Variants in BRINP2 observed in about 807,000 individuals in gnomAD.
BRINP2 encodes BMP/retinoic acid-inducible neural-specific protein 2.
Under a neutral mutation model 69.2 loss-of-function variants are expected in BRINP2, and 21 were observed. That is an observed-to-expected ratio of 0.30 (90% CI 0.22 to 0.44). BRINP2 has a LOEUF of 0.44. Ranked by LOEUF, BRINP2 falls within the 20% of genes least tolerant of loss-of-function variation. The pLI is 1.00. For missense variants in BRINP2, 877 were observed against 986.0 expected (o/e 0.89, Z 1.48); for synonymous variants, 380 against 394.1 (o/e 0.96, Z 0.42).
intron 5 of BRINP2, among the ~76,000 whole-genome samples, chr1:177,274,461 T>C (rs960554408): frequency 2.6e-5 from 4 of 152,192 alleles, no homozygotes; most frequent in African/African-American, 9.7e-5. Flanking sequence ...AGCAATGCTT[T>C]AGGAATTAAG....
intron 4 of BRINP2, among the ~76,000 whole-genome samples, chr1:177,266,230 T>C (rs1223005177): frequency 6.6e-6 from 1 of 152,168 alleles, no homozygotes; most frequent in Non-Finnish European, 1.5e-5. Flanking sequence ...CTGTCTCTGC[T>C]GTCTTTCTAG....
At chr1:177,205,483 C>G (rs572191580) in intron 1 of BRINP2, among the ~76,000 whole-genome samples, 1 of 152,102 alleles carries the variant, frequency 6.6e-6, no homozygotes, top group Non-Finnish European at 1.5e-5. Context: ...AGGAATAAGA[C>G]GCAAGTAAAG....
At chr1:177,260,964 T>C (rs2102350235) in intron 4 of BRINP2, among the ~76,000 whole-genome samples, 1 of 152,020 alleles carries the variant, frequency 6.6e-6, no homozygotes, top group African/African-American at 2.4e-5. Context: ...TATGAAGAAA[T>C]GAAGCCAAGT....
At position 177,276,124 on chromosome 1, in the gene BRINP2, C is replaced by T. The variant is rs958825199; in HGVS notation, c.776-74C>T. On this transcript the variant is annotated intron_variant, in intron 5 of 7. Transcript: ENST00000361539. ...GTCAGCAGAACTCCAGCTGGGATTC[C>T]TGCAGGCTTGGGCATGGGAAACTGA... The T allele has an allele frequency of 6.4e-6, 9 of 1,397,526 alleles. No individual in the cohort carries two copies. In the African/African-American group the frequency reaches 1.3e-4, roughly 20 times the overall value. 86.6% of individuals were successfully genotyped at this position (1,397,526 alleles called of 1,614,324 possible).
At chr1:177,280,093 TG>T (rs1463256928) in intron 7 of BRINP2, among the ~76,000 whole-genome samples, 2 of 152,154 alleles carry the variant, frequency 1.3e-5, no homozygotes, top group African/African-American at 2.4e-5. Flanking sequence ...AAAACAGATT[TG>T]ACACAAAAGA....
intron 1 of BRINP2, among the ~76,000 whole-genome samples, chr1:177,224,636 G>T (rs1325403162): frequency 6.6e-6 from 1 of 151,756 alleles, no homozygotes; most frequent in Non-Finnish European, 1.5e-5. Context: ...ATGCTGTGAG[G>T]TATAAATACT....
At chr1:177,250,206 C>A (rs2102341080) in intron 2 of BRINP2, among the ~76,000 whole-genome samples, 1 of 152,352 alleles carries the variant, frequency 6.6e-6, no homozygotes, top group East Asian at 1.9e-4. Context: ...CCACCATGCC[C>A]ACTTGAGTCT....
At position 177,281,750 on chromosome 1, in the gene BRINP2, A is replaced by C. The variant is rs947053765; in HGVS notation, c.*222A>C. 2 of 462,710 alleles carry C rather than the reference A, an allele frequency of 4.3e-6. No individual in the cohort carries two copies. The highest frequency in any genetic ancestry group is 7.4e-6 in the Non-Finnish European group (2 of 269,686). 28.7% of individuals were successfully genotyped at this position (462,710 alleles called of 1,614,324 possible). A position where few individuals can be genotyped will look rare whatever the true frequency, so the allele number is the denominator to read the frequency against. ...CACACACACACACACTGGCACAGGGAGGCTACAACTAAGCAGCCTCAGATC... is the reference window on the plus strand; with the variant it reads ...CACACACACACACACTGGCACAGGGCGGCTACAACTAAGCAGCCTCAGATC... On this transcript the variant is annotated 3_prime_UTR_variant, in exon 8 of 8. Transcript: ENST00000361539.
intron 1 of BRINP2, among the ~76,000 whole-genome samples, chr1:177,227,331 T>C (rs1203524263): frequency 6.6e-6 from 1 of 152,244 alleles, no homozygotes; most frequent in Non-Finnish European, 1.5e-5. Flanking sequence ...CCCATCCCTT[T>C]TGTCATTATG....
chr1:177,262,272 T>C (rs1001837932), intron 4 of BRINP2, among the ~76,000 whole-genome samples: 8 of 152,090 alleles, frequency 5.3e-5, no homozygotes, highest in African/African-American at 1.9e-4. Flanking sequence ...CTAGCACTTT[T>C]AGAGGCCAAG....
chr1:177,223,046 G>T (rs905307002), intron 1 of BRINP2, among the ~76,000 whole-genome samples: 2 of 152,172 alleles, frequency 1.3e-5, no homozygotes, highest in African/African-American at 2.4e-5. Context: ...ATTTGCTAGT[G>T]ATCCCCCTGA....
Position 177,230,052 on chromosome 1 carries a change from T to A in BRINP2, c.176T>A (p.Leu59His), listed in dbSNP as rs1288496876. 2 of 1,613,844 alleles carry A rather than the reference T, an allele frequency of 1.2e-6. No homozygotes were observed. The highest frequency in any genetic ancestry group is 1.3e-5 in the African/African-American group (1 of 75,048). The change falls in exon 2 of 8, where the codon CTC becomes CAC. Residue 59 changes from leucine (L) to histidine (H), a missense_variant. Leu to His is a moderately conservative substitution (Grantham distance 99, BLOSUM62 -3). Around this residue, in one of 3 missense-constraint regions of BRINP2, gnomAD observed 566 missense variants for 625.2 expected, o/e 0.91. Coordinates refer to ENST00000361539, the MANE Select transcript of BRINP2 (RefSeq NM_021165.4). Reference protein sequence around the residue: ...VAGQHPLDWLLTDRGPFHRAQ... With the variant: ...VAGQHPLDWLHTDRGPFHRAQ... ...GGCCAGCATCCCCTGGACTGGCTGC[T>A]CACAGACCGGGGCCCCTTCCACCGC...
At chr1:177,240,114 G>A (rs1052735248) in intron 2 of BRINP2, among the ~76,000 whole-genome samples, 7 of 152,202 alleles carry the variant, frequency 4.6e-5, no homozygotes, top group African/African-American at 1.7e-4. Flanking sequence ...GTGCCCTAGA[G>A]AATTCTCATT....
chr1:177,243,438 C>T (rs1487537062), intron 2 of BRINP2, among the ~76,000 whole-genome samples: 1 of 152,066 alleles, frequency 6.6e-6, no homozygotes, highest in Non-Finnish European at 1.5e-5. Context: ...GCCTCAAGAC[C>T]AAAACCATCT....
intron 2 of BRINP2, among the ~76,000 whole-genome samples, chr1:177,246,721 T>C (rs570747834): frequency 4.6e-5 from 7 of 152,344 alleles, no homozygotes; most frequent in Admixed American, 1.3e-4. Flanking sequence ...CCATTGCTGC[T>C]TTAAGACTTC....
At chr1:177,183,230 T>C (rs1306590573) in intron 1 of BRINP2, among the ~76,000 whole-genome samples, 1 of 149,398 alleles carries the variant, frequency 6.7e-6, no homozygotes. Context: ...TGGCAGTGAC[T>C]TAAAAAGACT....
chr1:177,259,565 C>T (rs776141621), intron 4 of BRINP2, among the ~76,000 whole-genome samples: 3 of 152,164 alleles, frequency 2.0e-5, no homozygotes, highest in Non-Finnish European at 4.4e-5. Flanking sequence ...GAGGGTAAGT[C>T]AATGCCTGGC....
chr1:177,229,894 C>A lies in BRINP2; in HGVS notation c.18C>A (p.Gly6=). 1.3e-6 allele frequency: 2 copies of A among 1,588,992 alleles called. No homozygotes were observed. Among genetic ancestry groups the A allele is most frequent in the African/African-American group, 1.3e-5 (1 of 74,518 alleles). Residue 6 remains glycine (G), a synonymous_variant, in exon 2 of 8, where the codon GGC becomes GGA. Coordinates refer to ENST00000361539, the MANE Select transcript of BRINP2 (RefSeq NM_021165.4). The part of the protein sequence containing the change: MRWQC[G]TRFRGLRPAV... ...GGAGAAGCATGAGGTGGCAGTGTGG[C>A]ACTCGGTTTAGAGGGCTTCGGCCGG...
At chr1:177,278,925 A>T (rs1334658979) in intron 7 of BRINP2, 140 bp downstream of exon 7, 6 of 753,566 alleles carry the variant, frequency 8.0e-6, no homozygotes, top group Non-Finnish European at 6.5e-6. Context: ...TGACCTACTC[A>T]TGTGTGTCAT....
Sources: gnomAD v4.1 joint callset for allele counts (sites outside exome capture counted in the v4.1 genomes callset) on GRCh38, gnomAD v4.1.1 for gene constraint, gnomAD v4.1.1 regional missense constraint, MANE v1.5 for transcripts, NCBI Gene and HGNC (gene_info 2026-07-23, HGNC 2026-07-21) for gene names.